The following IPCEF1 variants were observed in gnomAD, a reference collection of about 807,000 sequenced individuals.
The protein encoded by IPCEF1 is interaction protein for cytohesin exchange factors 1, also known as interactor protein for cytohesin exchange factors 1.
Under a neutral mutation model 50.9 loss-of-function variants are expected in IPCEF1, and 31 were observed. That is an observed-to-expected ratio of 0.61 (90% confidence interval 0.46 to 0.82). The LOEUF (loss-of-function observed/expected upper bound fraction) is 0.82. Among genes scored for constraint, IPCEF1 ranks in the 40% least tolerant of loss-of-function variants. The pLI, the probability that IPCEF1 is intolerant of heterozygous loss-of-function variation, is 0.00. For synonymous variants in IPCEF1, 181 were observed against 192.0 expected, an observed-to-expected ratio of 0.94 and a Z score of 0.47; for missense variants, 458 against 514.0, an observed-to-expected ratio of 0.89 and a Z score of 1.05.
rs756988142 is a variant in IPCEF1, at chr6:154,168,071, T to C, written c.953A>G (p.Tyr318Cys). The change falls in exon 11 of 12, where the codon TAC becomes TGC. Residue 318 changes from tyrosine to cysteine, a missense_variant. Coordinates refer to ENST00000367220, the MANE Select transcript of IPCEF1 (RefSeq NM_001130700.2). This position sits in a 1 kb window ranked among gnomAD's most constrained non-coding sequence, Gnocchi z 4.1. ...VSEDDEMEKL[Y>C]KSLEQASLSP... ...TAGACTAGCTTGCTCTAATGATTTG[T>C]ACAGCTTCTCCATTTCATCATCTTC... 1 of 1,589,884 alleles carries C rather than the reference T, an allele frequency of 6.3e-7. No individual in the cohort carries two copies. The highest frequency in any genetic ancestry group is 8.6e-7 in the Non-Finnish European group (1 of 1,163,150).
intron 5 of IPCEF1, among the ~76,000 whole-genome samples, chr6:154,231,764 AAGG>A (rs1779741579): frequency 6.6e-6 from 1 of 152,240 alleles, no homozygotes; most frequent in African/African-American, 2.4e-5. Context: ...CAGAGATGCG[AAGG>A]AGACTGACTT....
chr6:154,182,068 A>T (rs959662839), intron 10 of IPCEF1, among the ~76,000 whole-genome samples: 1 of 152,206 alleles, frequency 6.6e-6, no homozygotes, highest in Non-Finnish European at 1.5e-5. Context: ...TAAAATTTTT[A>T]AAAAAGATCA....
rs549132617 is a variant in IPCEF1, at chr6:154,273,195, AAGACATTATCACAGC to A, written c.-17-7246_-17-7232del. 5.3e-4 allele frequency among the ~76,000 whole-genome samples: 81 copies of A among 152,382 alleles called. 1 individual carries two copies. The East Asian group carries it at 0.013, about 24-fold the overall frequency. On this transcript the variant is annotated intron_variant, in intron 2 of 11. Coordinates refer to ENST00000367220, the MANE Select transcript of IPCEF1 (RefSeq NM_001130700.2). ...TAAAATTATAATGCTGGCATTCAGC[AAGACATTATCACAGC>A]AGCAAGTGGATTTATACAAAGTCCA...
chr6:154,330,981 A>G (rs1783645345), intron 1 of IPCEF1, among the ~76,000 whole-genome samples: 1 of 152,178 alleles, frequency 6.6e-6, no homozygotes, highest in Non-Finnish European at 1.5e-5. Context: ...GACAACTGTC[A>G]AGTGATAGTC....
chr6:154,233,876 G>A (rs1051669226), intron 5 of IPCEF1, among the ~76,000 whole-genome samples: 1 of 152,058 alleles, frequency 6.6e-6, no homozygotes, highest in Non-Finnish European at 1.5e-5. Flanking sequence ...CTCCTGGGAC[G>A]AGCTCTCAAC....
At chr6:154,321,432 A>G (rs1378046117) in intron 1 of IPCEF1, among the ~76,000 whole-genome samples, 1 of 152,014 alleles carries the variant, frequency 6.6e-6, no homozygotes, top group African/African-American at 2.4e-5. Flanking sequence ...GGTGATACGT[A>G]TATTTATAAA....
At chr6:154,222,745 A>G (rs1320760194) in intron 6 of IPCEF1, among the ~76,000 whole-genome samples, 2 of 152,324 alleles carry the variant, frequency 1.3e-5, no homozygotes, top group South Asian at 2.1e-4. Flanking sequence ...AGAAAATTCA[A>G]TTCCAAGTGT....
At chr6:154,313,679 T>C (rs1783141615) in intron 1 of IPCEF1, among the ~76,000 whole-genome samples, 1 of 152,172 alleles carries the variant, frequency 6.6e-6, no homozygotes, top group Admixed American at 6.5e-5. Context: ...GTATGTATGC[T>C]TTAATATAAA....
chr6:154,245,286 G>GAA (rs1780936480), intron 5 of IPCEF1, among the ~76,000 whole-genome samples: 1 of 52,970 alleles, frequency 1.9e-5, no homozygotes, highest in South Asian at 3.5e-4. Flanking sequence ...CCAAATGCTT[G>GAA]GAAAAAAAAA....
At chr6:154,295,410 G>A (rs1015220728) in intron 1 of IPCEF1, among the ~76,000 whole-genome samples, 5 of 152,038 alleles carry the variant, frequency 3.3e-5, no homozygotes, top group South Asian at 2.1e-4. Context: ...CATTGCTCAC[G>A]GGTGGCTGCC....
chr6:154,340,157 G>A (rs1220161081), intron 1 of IPCEF1, among the ~76,000 whole-genome samples: 6 of 152,118 alleles, frequency 3.9e-5, no homozygotes, highest in African/African-American at 4.8e-5. Flanking sequence ...TTGAGGATGC[G>A]CGCCCGTGAC....
Position 154,168,233 on chromosome 6 carries a change from C to G in IPCEF1, c.911-120G>C. ...TGGCACCCTCATCTCAGACTTCTCT[C>G]CGGAACTGAAAGACAATAAATGTTT... is the stretch of plus-strand genomic sequence containing the variant. On this transcript the variant is annotated intron_variant, in intron 10 of 11. Coordinates refer to ENST00000367220, the MANE Select transcript of IPCEF1 (RefSeq NM_001130700.2). The surrounding 1 kb of genome is among the most constrained non-coding windows in gnomAD (Gnocchi z 4.1). 1.0e-5 allele frequency: 7 copies of G among 685,496 alleles called. 1 individual carries two copies. In the South Asian group the frequency reaches 2.0e-4, roughly 20 times the overall value. 42.5% of individuals were successfully genotyped at this position (685,496 alleles called of 1,614,324 possible).
intron 1 of IPCEF1, among the ~76,000 whole-genome samples, chr6:154,310,851 G>C (rs1783060611): frequency 6.6e-6 from 1 of 151,974 alleles, no homozygotes; most frequent in Admixed American, 6.6e-5. Context: ...GCTGGGGATG[G>C]TTGGGGAAGG....
intron 10 of IPCEF1, among the ~76,000 whole-genome samples, chr6:154,173,153 C>T (rs1246520330): frequency 6.6e-6 from 1 of 152,118 alleles, no homozygotes; most frequent in African/African-American, 2.4e-5. Flanking sequence ...ACATCAAAAC[C>T]CCATCCGTAG....
chr6:154,227,575 GAGCATGGC>G, intron 5 of IPCEF1, among the ~76,000 whole-genome samples: 1 of 152,124 alleles, frequency 6.6e-6, no homozygotes, highest in East Asian at 1.9e-4. Flanking sequence ...AAAATTAGCC[GAGCATGGC>G]AGCACACGCC....
chr6:154,167,261 T>C (rs1477686126), intron 11 of IPCEF1, among the ~76,000 whole-genome samples: 2 of 152,372 alleles, frequency 1.3e-5, no homozygotes, highest in East Asian at 1.9e-4. Flanking sequence ...AGGACACTTT[T>C]GTTATGAAGA....
At chr6:154,331,357 A>AGAAG in intron 1 of IPCEF1, among the ~76,000 whole-genome samples, 1 of 125,846 alleles carries the variant, frequency 7.9e-6, no homozygotes, top group Non-Finnish European at 1.7e-5. Context: ...GGAAGGAAAG[A>AGAAG]GAAAGAAAGA....
chr6:154,181,618 C>A (rs562907597), intron 10 of IPCEF1, among the ~76,000 whole-genome samples: 92 of 152,286 alleles, frequency 6.0e-4, no homozygotes, highest in African/African-American at 2.1e-3. Flanking sequence ...CAGACCAAGG[C>A]TCAGATCCCT....
rs78084824 is a variant in IPCEF1, at chr6:154,204,566, A to T, written c.538-4526T>A. Among the ~76,000 whole-genome samples, 161 of 152,340 alleles carry T rather than the reference A, an allele frequency of 1.1e-3. 6 individuals carry two copies. The East Asian group carries it at 0.029, about 27-fold the overall frequency. On this transcript the variant is annotated intron_variant, in intron 9 of 11. Transcript: ENST00000367220. ...AAATACCAGAAGACCTTGTAATAGT[A>T]CACTCCTTCTCTGTCACTGACCTTC...
Sources: gnomAD v4.1 joint callset for allele counts (sites outside exome capture counted in the v4.1 genomes callset) on GRCh38, gnomAD v4.1.1 for gene constraint, Gnocchi (gnomAD v3.1) non-coding constraint, MANE v1.5 for transcripts, NCBI Gene and HGNC (gene_info 2026-07-23, HGNC 2026-07-21) for gene names.